The following PREX2 variants were observed in gnomAD, a reference collection of about 807,000 sequenced individuals.
PREX2 encodes phosphatidylinositol 3,4,5-trisphosphate-dependent Rac exchanger 2 protein.
In PREX2, 107 loss-of-function variants were observed where a neutral mutation model predicts 203.2. The observed-to-expected ratio is 0.53, with a 90% CI of 0.45 to 0.62. The LOEUF (loss-of-function observed/expected upper bound fraction) is 0.62. PREX2 is among the 20% of genes least tolerant of loss of function. The probability of loss-of-function intolerance (pLI) is 0.00; values close to 1 mark genes in which losing one functional copy is unlikely to be tolerated. For missense variants in PREX2, 1,777 were observed against 1,955.9 expected (o/e 0.91, Z 1.72); for synonymous variants, 672 against 663.6 (o/e 1.01, Z -0.19).
intron 15 of PREX2, among the ~76,000 whole-genome samples, chr8:68,079,696 G>A (rs2129611867): frequency 6.6e-6 from 1 of 152,196 alleles, no homozygotes; most frequent in African/African-American, 2.4e-5. Flanking sequence ...GGATCTCACT[G>A]AATACAAATT....
In PREX2 at chr8:68,152,619, CA is replaced by C. The variant is rs1811464372; in HGVS notation, c.4232-4702del. Among the ~76,000 whole-genome samples the C allele has an allele frequency of 5.9e-5, 9 of 152,236 alleles. No homozygotes were observed. In the South Asian group the frequency reaches 1.9e-3, roughly 32 times the overall value. On this transcript the variant is annotated intron_variant, in intron 34 of 39. Transcript: ENST00000288368. Reference sequence around the variant, plus strand: ...TGCAAATATACTCAATGCACACAGGCAGACATAAAAGAGAGGGGGAACAAAC... The same window carrying C: ...TGCAAATATACTCAATGCACACAGGCGACATAAAAGAGAGGGGGAACAAAC...
chr8:68,053,833 G>A (rs985746320), intron 9 of PREX2, among the ~76,000 whole-genome samples: 1 of 152,138 alleles, frequency 6.6e-6, no homozygotes, highest in African/African-American at 2.4e-5. Context: ...ATATGAGGAG[G>A]CCTAGCTCCA....
intron 19 of PREX2, 77 bp downstream of exon 19, chr8:68,087,886 A>G: frequency 1.1e-6 from 1 of 904,698 alleles, no homozygotes; most frequent in Non-Finnish European, 1.9e-6. Flanking sequence ...ATGTGTTTAA[A>G]ATAGGCAGAA....
At chr8:68,225,692 A>C (rs534753583) in intron 39 of PREX2, among the ~76,000 whole-genome samples, 3 of 152,296 alleles carry the variant, frequency 2.0e-5, no homozygotes, top group South Asian at 2.1e-4. Flanking sequence ...TTCTAATTGC[A>C]CTTATTTTTA....
At chr8:68,091,763 A>G (rs1300349988) in intron 20 of PREX2, among the ~76,000 whole-genome samples, 1 of 152,216 alleles carries the variant, frequency 6.6e-6, no homozygotes, top group Non-Finnish European at 1.5e-5. Context: ...CTTCTACCAG[A>G]ATGTTAATAA....
At position 67,975,700 on chromosome 8, in the gene PREX2, T is replaced by C. The variant is rs1277014158; in HGVS notation, c.141+23165T>C. 3.3e-3 allele frequency among the ~76,000 whole-genome samples: 355 copies of C among 109,208 alleles called. 12 individuals carry two copies. Among genetic ancestry groups the C allele is most frequent in the Non-Finnish European group, 5.1e-3 (272 of 53,022 alleles). 71.6% of individuals were successfully genotyped at this position (109,208 alleles called of 152,430 possible). A position where few individuals can be genotyped will look rare whatever the true frequency, so the allele number is the denominator to read the frequency against. The stretch of plus-strand genomic sequence containing the variant: ...TAGTAACTGATTTCTCTTTCTTTTT[T>C]TTTTTTTTTTTTTTTTTTTTTGAGA... On this transcript the variant is annotated intron_variant, in intron 1 of 39. Coordinates refer to ENST00000288368, the MANE Select transcript of PREX2 (RefSeq NM_024870.4).
intron 1 of PREX2, among the ~76,000 whole-genome samples, chr8:67,996,620 T>C (rs13268360): frequency 0.49 from 74,643 of 151,824 alleles, 18,699 homozygotes; most frequent in South Asian, 0.61. Flanking sequence ...GTATTTTTGA[T>C]GGGGACAAAA....
chr8:68,060,241 C>T (rs558729228), intron 10 of PREX2, among the ~76,000 whole-genome samples: 1 of 152,254 alleles, frequency 6.6e-6, no homozygotes, highest in South Asian at 2.1e-4. Flanking sequence ...TTCTCTGTGC[C>T]TGGGAACCAC....
At chr8:68,096,466 G>A (rs1253719782) in intron 21 of PREX2, among the ~76,000 whole-genome samples, 1 of 152,104 alleles carries the variant, frequency 6.6e-6, no homozygotes, top group African/African-American at 2.4e-5. Context: ...ACTATAGGCA[G>A]ACATTTTAGA....
At chr8:68,148,695 A>G (rs974351211) in intron 34 of PREX2, among the ~76,000 whole-genome samples, 2 of 152,270 alleles carry the variant, frequency 1.3e-5, no homozygotes, top group African/African-American at 2.4e-5. Flanking sequence ...AGGTTTTGGT[A>G]TGCTCACAGC....
At chr8:68,065,521 G>C (rs1808991457) in intron 11 of PREX2, among the ~76,000 whole-genome samples, 1 of 152,078 alleles carries the variant, frequency 6.6e-6, no homozygotes. Context: ...GTTTGAATAG[G>C]CTGGGGTAAA....
chr8:67,993,400 C>CTTTTT (rs5892121), intron 1 of PREX2, among the ~76,000 whole-genome samples: 4 of 108,228 alleles, frequency 3.7e-5, no homozygotes, highest in Non-Finnish European at 4.1e-5. Flanking sequence ...TTACTTCAGT[C>CTTTTT]TTTTTTTTTT....
Position 68,030,505 on chromosome 8 carries a change from G to C in PREX2, c.552G>C (p.Leu184=). 6.2e-7 allele frequency: 1 copy of C among 1,612,996 alleles called. No homozygotes were observed. Among genetic ancestry groups the C allele is most frequent in the South Asian group, 1.1e-5 (1 of 90,968 alleles). ...CKYPLILKEL[L]KRTPRKHSDY... ...TTTTTGTGTATAAACAGGAGTTGCT[G>C]AAGCGGACTCCACGGAAACACAGTG... is the stretch of plus-strand genomic sequence containing the variant. The change falls in exon 6 of 40, where the codon CTG becomes CTC. Residue 184 remains leucine, a synonymous_variant. Coordinates refer to ENST00000288368, the MANE Select transcript of PREX2 (RefSeq NM_024870.4).
At chr8:68,097,962 A>G (rs539625241) in intron 22 of PREX2, among the ~76,000 whole-genome samples, 1 of 152,364 alleles carries the variant, frequency 6.6e-6, no homozygotes, top group East Asian at 1.9e-4. Context: ...TGTAGAGATC[A>G]GTTTATGAAT....
intron 1 of PREX2, among the ~76,000 whole-genome samples, chr8:67,990,804 C>T (rs111605406): frequency 0.044 from 6,612 of 151,920 alleles, 451 homozygotes; most frequent in African/African-American, 0.14. Context: ...AGCCACCGTG[C>T]CCGGCCTCCC....
chr8:68,110,604 T>C (rs1391273105), intron 25 of PREX2, among the ~76,000 whole-genome samples: 3 of 151,924 alleles, frequency 2.0e-5, no homozygotes, highest in Admixed American at 6.5e-5. Flanking sequence ...TGTGAACTCT[T>C]TTAACTTCAC....
intron 35 of PREX2, among the ~76,000 whole-genome samples, chr8:68,185,267 C>G (rs569554380): frequency 1.7e-4 from 26 of 151,726 alleles, no homozygotes; most frequent in Admixed American, 1.3e-4. Context: ...AATTACAAAT[C>G]TTTGGTTTGA....
chr8:68,039,243 C>G (rs1808123805), intron 7 of PREX2, among the ~76,000 whole-genome samples: 1 of 152,128 alleles, frequency 6.6e-6, no homozygotes, highest in Admixed American at 6.6e-5. Context: ...CTCTCCTCCA[C>G]TGAGCTACTC....
chr8:68,015,885 T>C (rs972601849), intron 1 of PREX2, among the ~76,000 whole-genome samples: 6 of 152,204 alleles, frequency 3.9e-5, no homozygotes, highest in Non-Finnish European at 5.9e-5. Context: ...TCAAAAATTA[T>C]ATCACTTGTT....
Sources: allele counts gnomAD v4.1 joint callset (sites outside exome capture counted in the v4.1 genomes callset), GRCh38; gene constraint gnomAD v4.1.1; transcripts MANE v1.5; gene names NCBI Gene and HGNC (gene_info 2026-07-23, HGNC 2026-07-21).